Variants in TMEM132B observed in about 807,000 individuals in gnomAD.
TMEM132B encodes transmembrane protein 132B.
In TMEM132B, 18 loss-of-function variants were observed where a neutral mutation model predicts 90.8. That is an observed-to-expected ratio of 0.20 (90% CI 0.14 to 0.29). The LOEUF is 0.29. TMEM132B is among the 10% of genes least tolerant of loss of function. The pLI, the probability that TMEM132B is intolerant of heterozygous loss-of-function variation, is 1.00. For synonymous variants in TMEM132B, 504 were observed against 523.3 expected, an observed-to-expected ratio of 0.96 and a Z score of 0.50; for missense variants, 1,096 against 1,326.8, an observed-to-expected ratio of 0.83 and a Z score of 2.70.
At chr12:125,527,001 A>C (rs1295721507) in intron 4 of TMEM132B, among the ~76,000 whole-genome samples, 5 of 106,042 alleles carry the variant, frequency 4.7e-5, no homozygotes, top group Non-Finnish European at 4.0e-5. Context: ...CTTCTATCCA[A>C]TCATTTACCC....
At chr12:125,328,398 T>G (rs1876656970) in intron 1 of TMEM132B, among the ~76,000 whole-genome samples, 1 of 152,180 alleles carries the variant, frequency 6.6e-6, no homozygotes, top group Admixed American at 6.5e-5. Context: ...ATTCCACGTG[T>G]CCTTCGGCTA....
At chr12:125,620,403 T>C (rs1336810129) in intron 5 of TMEM132B, among the ~76,000 whole-genome samples, 2 of 152,222 alleles carry the variant, frequency 1.3e-5, no homozygotes, top group African/African-American at 4.8e-5. Context: ...CTATGAAAGT[T>C]ATAAATCTTC....
intron 5 of TMEM132B, among the ~76,000 whole-genome samples, chr12:125,590,420 A>G (rs1885289730): frequency 1.3e-5 from 2 of 152,268 alleles, no homozygotes; most frequent in African/African-American, 4.8e-5. Flanking sequence ...AGAGCTTCCC[A>G]GAGATGGAAC....
intron 6 of TMEM132B, among the ~76,000 whole-genome samples, chr12:125,649,744 C>A (rs1218873568): frequency 6.6e-6 from 1 of 152,122 alleles, no homozygotes; most frequent in Admixed American, 6.6e-5. Context: ...CAGTAGTCAC[C>A]AAACAAAGCA....
chr12:125,355,696 G>T (rs1877743245), intron 2 of TMEM132B, among the ~76,000 whole-genome samples: 1 of 152,152 alleles, frequency 6.6e-6, no homozygotes, highest in Admixed American at 6.5e-5. Context: ...TGTCTCTTAT[G>T]AATGAGATGT....
intron 6 of TMEM132B, among the ~76,000 whole-genome samples, chr12:125,648,350 G>A (rs923409134): frequency 6.6e-6 from 1 of 151,602 alleles, no homozygotes. Flanking sequence ...GGACTTACAG[G>A]GAACTAAGGT....
chr12:125,210,675 A>C (rs1428185798), intron 1 of TMEM132B, among the ~76,000 whole-genome samples: 1 of 152,056 alleles, frequency 6.6e-6, no homozygotes, highest in Non-Finnish European at 1.5e-5. Context: ...TATATTTTGA[A>C]AATAGAGGGC....
In TMEM132B at chr12:125,349,339, A is replaced by G; in HGVS notation, c.68-113A>G. 8.7e-7 allele frequency: 1 copy of G among 1,147,828 alleles called. No homozygotes were observed. The highest frequency in any genetic ancestry group is 1.2e-6 in the Non-Finnish European group (1 of 809,820). The allele number at this position is 1,147,828 out of a possible 1,614,324, so 71.1% of individuals were successfully genotyped here. A position where few individuals can be genotyped will look rare whatever the true frequency, so the allele number is the denominator to read the frequency against. On this transcript the variant is annotated intron_variant, in intron 1 of 8. Coordinates refer to ENST00000682704, the MANE Select transcript of TMEM132B (RefSeq NM_001366854.1). This position sits in a 1 kb window ranked among gnomAD's most constrained non-coding sequence, Gnocchi z 4.1. ...CTTTCACTGTGATGAGACCTGGGGGAGAAACAGTGGCCAGTGGGCGGTTTG... is the reference window on the plus strand; with the variant it reads ...CTTTCACTGTGATGAGACCTGGGGGGGAAACAGTGGCCAGTGGGCGGTTTG...
intron 6 of TMEM132B, among the ~76,000 whole-genome samples, chr12:125,645,159 A>G (rs1395153281): frequency 4.2e-5 from 6 of 144,320 alleles, no homozygotes; most frequent in Non-Finnish European, 7.5e-5. Context: ...CGGAGCTTGC[A>G]GTGAGCCGAG....
At chr12:125,494,161 C>CCAAAAA (rs1882446239) in intron 3 of TMEM132B, among the ~76,000 whole-genome samples, 1 of 143,302 alleles carries the variant, frequency 7.0e-6, no homozygotes, top group Non-Finnish European at 1.5e-5. Flanking sequence ...TCCTTCCTCC[C>CCAAAAA]TGGAAATGAC....
intron 3 of TMEM132B, among the ~76,000 whole-genome samples, chr12:125,502,836 C>G (rs1404621911): frequency 3.3e-5 from 5 of 152,030 alleles, no homozygotes; most frequent in Non-Finnish European, 7.3e-5. Context: ...CTTGGAGACC[C>G]AGACAAAGAG....
At chr12:125,302,570 C>A (rs747160048) in intron 1 of TMEM132B, among the ~76,000 whole-genome samples, 1 of 152,142 alleles carries the variant, frequency 6.6e-6, no homozygotes. Flanking sequence ...TGGATTTGAA[C>A]CCAGGCCTGC....
At chr12:125,611,942 G>A (rs953772308) in intron 5 of TMEM132B, among the ~76,000 whole-genome samples, 68 of 152,122 alleles carry the variant, frequency 4.5e-4, no homozygotes, top group African/African-American at 1.6e-3. Flanking sequence ...TGTGGTTTGA[G>A]TCTTCTATTT....
rs150152897 is a variant in TMEM132B at position 125,504,035 on chromosome 12, A to G, written c.1107-15404A>G. On this transcript the variant is annotated intron_variant, in intron 3 of 8. Coordinates refer to ENST00000682704, the MANE Select transcript of TMEM132B (RefSeq NM_001366854.1). Reference sequence around the variant, plus strand: ...ATTAATACAATGGGCCAAGTCACAGACGTGATACAATCATTGGGTATTAAT... The same window carrying G: ...ATTAATACAATGGGCCAAGTCACAGGCGTGATACAATCATTGGGTATTAAT... Among the ~76,000 whole-genome samples, 8 of 152,372 alleles carry G rather than the reference A, an allele frequency of 5.3e-5. No homozygotes were observed. In the East Asian group the frequency reaches 1.5e-3, roughly 29 times the overall value.
At chr12:125,450,626 T>C (rs941738152) in intron 3 of TMEM132B, among the ~76,000 whole-genome samples, 6 of 152,146 alleles carry the variant, frequency 3.9e-5, no homozygotes, top group African/African-American at 1.4e-4. Context: ...TAAATAAAGA[T>C]TGTGTCAGGC....
chr12:125,574,166 G>GTT (rs144941636), intron 4 of TMEM132B, among the ~76,000 whole-genome samples: 34 of 145,946 alleles, frequency 2.3e-4, no homozygotes, highest in East Asian at 6.0e-4. Flanking sequence ...TGAGCAGTCA[G>GTT]TTTTTTTTTT....
chr12:125,472,637 AG>A (rs951882206), intron 3 of TMEM132B, among the ~76,000 whole-genome samples: 6 of 152,198 alleles, frequency 3.9e-5, no homozygotes, highest in African/African-American at 1.4e-4. Flanking sequence ...TCTTCAGAGG[AG>A]GTGATTAGAT....
chr12:125,399,501 G>A (rs922704553), intron 2 of TMEM132B, among the ~76,000 whole-genome samples: 3 of 149,480 alleles, frequency 2.0e-5, no homozygotes, highest in African/African-American at 7.5e-5. Context: ...GTGTGTGTGT[G>A]TGTGTGTGTG....
intron 2 of TMEM132B, among the ~76,000 whole-genome samples, chr12:125,393,089 C>T (rs575746600): frequency 6.6e-6 from 1 of 152,362 alleles, no homozygotes; most frequent in Non-Finnish European, 1.5e-5. Flanking sequence ...CACCTTCCTT[C>T]CAGGAGCATC....
Sources: gnomAD v4.1 joint callset for allele counts (sites outside exome capture counted in the v4.1 genomes callset) on GRCh38, gnomAD v4.1.1 for gene constraint, Gnocchi (gnomAD v3.1) non-coding constraint, MANE v1.5 for transcripts, NCBI Gene and HGNC (gene_info 2026-07-23, HGNC 2026-07-21) for gene names.